Variants in MMS22L observed in about 807,000 individuals in gnomAD.
MMS22L encodes protein MMS22-like.
In MMS22L, 74 loss-of-function variants were observed where a neutral mutation model predicts 159.1. The observed-to-expected ratio is 0.47, with a 90% CI of 0.39 to 0.56. The LOEUF (loss-of-function observed/expected upper bound fraction) is 0.56. MMS22L is among the 20% of genes least tolerant of loss of function. MMS22L has a pLI of 0.00. For missense variants in MMS22L, 1,351 were observed against 1,422.1 expected (o/e 0.95, Z 0.80); for synonymous variants, 517 against 506.9 (o/e 1.02, Z -0.27).
chr6:97,198,315 G>C (rs1160213956), intron 14 of MMS22L, among the ~76,000 whole-genome samples: 3 of 152,154 alleles, frequency 2.0e-5, no homozygotes, highest in Non-Finnish European at 2.9e-5. Flanking sequence ...AGCTTCAGCT[G>C]TTCTAGTCTC....
rs2128041415 is a variant in MMS22L, at chr6:97,246,710, T to TAGA, written c.1120-21_1120-20insTCT. The TAGA allele has an allele frequency of 6.3e-7, 1 of 1,578,962 alleles. No homozygotes were observed. The highest frequency in any genetic ancestry group is 8.7e-7 in the Non-Finnish European group (1 of 1,151,616). ...TTTTCTCTAGAAAGGGAGAAAATAG[T>TAGA]GCATCAAAATTATTGCTCTTGATTA... On this transcript the variant is annotated intron_variant, in intron 10 of 24. Coordinates refer to ENST00000683635, the MANE Select transcript of MMS22L (RefSeq NM_001350599.2).
intron 4 of MMS22L, among the ~76,000 whole-genome samples, chr6:97,273,994 C>T (rs1039978475): frequency 3.9e-5 from 6 of 152,124 alleles, no homozygotes; most frequent in African/African-American, 1.2e-4. Context: ...AAGCTCTGAA[C>T]GACCTTTTAA....
chr6:97,282,518 C>A lies in MMS22L; in HGVS notation c.-41G>T. On this transcript the variant is annotated 5_prime_UTR_variant, in exon 2 of 25. An upstream start codon of the reference 5' UTR is lost. Transcript: ENST00000683635. ...CTGAAACACTTGGGGTTCGTCGTAT[C>A]ATTAAGGGCTCCAAAGAGAAGGTGT... 6 of 1,324,052 alleles carry A rather than the reference C, an allele frequency of 4.5e-6. No individual in the cohort carries two copies. The highest frequency in any genetic ancestry group is 6.1e-6 in the Non-Finnish European group (6 of 984,112). 82.0% of individuals were successfully genotyped at this position (1,324,052 alleles called of 1,614,324 possible). A position where few individuals can be genotyped will look rare whatever the true frequency, so the allele number is the denominator to read the frequency against.
At chr6:97,282,776 A>C (rs559597928) in intron 1 of MMS22L, among the ~76,000 whole-genome samples, 120 of 152,314 alleles carry the variant, frequency 7.9e-4, no homozygotes, top group Admixed American at 2.9e-3. Flanking sequence ...CGGGCTCTGC[A>C]GCCCAGGACA....
chr6:97,196,751 T>C (rs963678840), intron 14 of MMS22L, among the ~76,000 whole-genome samples: 1 of 152,194 alleles, frequency 6.6e-6, no homozygotes, highest in Non-Finnish European at 1.5e-5. Context: ...ACAATGCTAG[T>C]TGTCTCTGAA....
intron 12 of MMS22L, among the ~76,000 whole-genome samples, chr6:97,231,958 T>G (rs1810920084): frequency 6.6e-6 from 1 of 152,196 alleles, no homozygotes. Context: ...ATTCTTTAAG[T>G]TTCCCAATGT....
chr6:97,283,437 G>A (rs1350688120), upstream of MMS22L: 1 of 151,592 alleles, frequency 6.6e-6, no homozygotes, highest in Non-Finnish European at 1.5e-5. Flanking sequence ...GAGGACTTAA[G>A]GACTATGGGT....
chr6:97,246,247 T>G, intron 11 of MMS22L: 1 of 422,712 alleles, frequency 2.4e-6, no homozygotes, highest in South Asian at 1.8e-5. Context: ...TAAGACAAAT[T>G]GCTCAGCAAG....
At chr6:97,250,967 G>A (rs1403585146) in intron 10 of MMS22L, among the ~76,000 whole-genome samples, 1 of 151,676 alleles carries the variant, frequency 6.6e-6, no homozygotes, top group Non-Finnish European at 1.5e-5. Flanking sequence ...ATATCATAAG[G>A]AGAAAAAAAA....
chr6:97,146,062 C>A lies in MMS22L; in HGVS notation c.*744G>T, dbSNP rs1800914229. ...CTAGAATATTTTTATTTACTCTCCT[C>A]TTAAAGTCTCCTTTATTTCCTCCTC... is the stretch of plus-strand genomic sequence containing the variant. On this transcript the variant is annotated 3_prime_UTR_variant, in exon 25 of 25. Coordinates refer to ENST00000683635, the MANE Select transcript of MMS22L (RefSeq NM_001350599.2). 1 of 151,486 alleles carries A rather than the reference C, an allele frequency of 6.6e-6. No homozygotes were observed. The highest frequency in any genetic ancestry group is 6.6e-5 in the Admixed American group (1 of 15,182). The allele number at this position is 151,486 out of a possible 1,614,324, so 9.4% of individuals were successfully genotyped here.
intron 9 of MMS22L, chr6:97,258,980 A>G (rs759054776): frequency 2.6e-5 from 4 of 152,192 alleles, no homozygotes; most frequent in Admixed American, 6.5e-5. Flanking sequence ...ACACGATTCT[A>G]AAGTCAGAAC....
At chr6:97,258,765 A>C (rs1329565897) in intron 9 of MMS22L, 2 of 152,188 alleles carry the variant, frequency 1.3e-5, no homozygotes, top group African/African-American at 4.8e-5. Context: ...AAATCTCCTA[A>C]GTATTTACAA....
chr6:97,166,403 T>C (rs1008554343), intron 20 of MMS22L, among the ~76,000 whole-genome samples: 23 of 152,164 alleles, frequency 1.5e-4, no homozygotes, highest in Non-Finnish European at 2.6e-4. Context: ...TCCATTTTAG[T>C]TGTAAACGGG....
rs1253248117 is a variant in MMS22L at position 97,226,526 on chromosome 6, G to A, written c.2039+2368C>T. On this transcript the variant is annotated intron_variant, in intron 14 of 24. Coordinates refer to ENST00000683635, the MANE Select transcript of MMS22L (RefSeq NM_001350599.2). The stretch of plus-strand genomic sequence containing the variant: ...GGAGAATTGCTTGAGCCCAGGAGGC[G>A]GAGGTTGCAGTGAGCCGAGATGGCG... Among the ~76,000 whole-genome samples the A allele has an allele frequency of 3.9e-5, 6 of 151,998 alleles. No homozygotes were observed. The East Asian group carries it at 1.2e-3, about 29-fold the overall frequency.
At position 97,145,021 on chromosome 6, in the gene MMS22L, A is replaced by ACC. The variant is rs1356872592; in HGVS notation, c.*1784_*1785insGG. The ACC allele has an allele frequency of 4.4e-5, 4 of 90,786 alleles. No individual in the cohort carries two copies. The highest frequency in any genetic ancestry group is 1.1e-4 in the Admixed American group (1 of 8,718). The allele number at this position is 90,786 out of a possible 1,614,324, so 5.6% of individuals were successfully genotyped here. ...TTATCAATCTCCTTTGGAAAAAAAA[A>ACC]ACCCACACACACACACACACACACA... On this transcript the variant is annotated 3_prime_UTR_variant, in exon 25 of 25. Transcript: ENST00000683635.
intron 23 of MMS22L, among the ~76,000 whole-genome samples, chr6:97,150,644 C>A (rs756871483): frequency 6.6e-6 from 1 of 152,268 alleles, no homozygotes; most frequent in South Asian, 2.1e-4. Flanking sequence ...CTTTTCTCCC[C>A]TCCTAGGGCT....
At chr6:97,172,516 G>A (rs982991696) in intron 19 of MMS22L, among the ~76,000 whole-genome samples, 1 of 152,112 alleles carries the variant, frequency 6.6e-6, no homozygotes, top group Admixed American at 6.6e-5. Flanking sequence ...AAAAAGATAT[G>A]TTAATCACTG....
chr6:97,249,098 A>T (rs528050875), intron 10 of MMS22L, among the ~76,000 whole-genome samples: 4 of 152,272 alleles, frequency 2.6e-5, no homozygotes, highest in Admixed American at 2.6e-4. Flanking sequence ...TTGACTTGGA[A>T]ACTGAAATCA....
At chr6:97,196,541 G>T (rs1806530923) in intron 14 of MMS22L, among the ~76,000 whole-genome samples, 1 of 152,044 alleles carries the variant, frequency 6.6e-6, no homozygotes, top group Admixed American at 6.6e-5. Flanking sequence ...TAAGGAACAG[G>T]TCATAGAGGA....
Sources: gnomAD v4.1 joint callset for allele counts (sites outside exome capture counted in the v4.1 genomes callset) on GRCh38, gnomAD v4.1.1 for gene constraint, MANE v1.5 for transcripts, NCBI Gene and HGNC (gene_info 2026-07-23, HGNC 2026-07-21) for gene names.